The following KLHL33 variants were observed in gnomAD, a reference collection of about 807,000 sequenced individuals.
KLHL33 encodes kelch-like protein 33.
In KLHL33, 46 loss-of-function variants were observed where a neutral mutation model predicts 60.8. The ratio of observed to expected loss-of-function variants is 0.76; its 90% CI spans 0.60 to 0.97. The LOEUF (loss-of-function observed/expected upper bound fraction) is 0.97, where lower values mean the gene tolerates loss of function less well. KLHL33 is among the 50% of genes least tolerant of loss of function. KLHL33 has a pLI of 0.00. For synonymous variants in KLHL33, 434 were observed against 432.2 expected (o/e 1.00, Z -0.05); for missense variants, 1,055 against 1,000.0 (o/e 1.05, Z -0.74).
chr14:20,428,709 C>A lies in KLHL33; in HGVS notation c.*140G>T. On this transcript the variant is annotated 3_prime_UTR_variant, in exon 5 of 5. Coordinates refer to ENST00000636854, the MANE Select transcript of KLHL33 (RefSeq NM_001365790.2). ...CACCATTTCCTCAACGGAGATCATA[C>A]GTACAAAAGCAGTTTACAATGCACA... is the stretch of plus-strand genomic sequence containing the variant. 1.3e-6 allele frequency: 1 copy of A among 761,302 alleles called. No individual in the cohort carries two copies. Among genetic ancestry groups the A allele is most frequent in the Non-Finnish European group, 2.1e-6 (1 of 473,040 alleles). 47.2% of individuals were successfully genotyped at this position (761,302 alleles called of 1,614,324 possible).
chr14:20,430,931 AG>A (rs1880493925), intron 2 of KLHL33, among the ~76,000 whole-genome samples: 1 of 152,222 alleles, frequency 6.6e-6, no homozygotes, highest in Non-Finnish European at 1.5e-5. Context: ...ATTCTGATTC[AG>A]CAGTTCTGGA....
At chr14:20,433,681 T>C (rs1197323693) in intron 2 of KLHL33, among the ~76,000 whole-genome samples, 1 of 152,224 alleles carries the variant, frequency 6.6e-6, no homozygotes, top group Non-Finnish European at 1.5e-5. Flanking sequence ...GAATATTTCC[T>C]AGGGAAATAA....
At position 20,435,063 on chromosome 14, in the gene KLHL33, C is replaced by T. The variant is rs1594401097; in HGVS notation, c.748+1G>A. 6.5e-6 allele frequency: 8 copies of T among 1,234,488 alleles called. No homozygotes were observed. The East Asian group carries it at 1.9e-4, about 29-fold the overall frequency. The allele number at this position is 1,234,488 out of a possible 1,614,324, so 76.5% of individuals were successfully genotyped here. Reference sequence around the variant, plus strand: ...TAATTTAATGCCCCACAGGCCCTCACCCGACAGCTGGCAGCCGCCTGCCTC... The same window carrying T: ...TAATTTAATGCCCCACAGGCCCTCATCCGACAGCTGGCAGCCGCCTGCCTC... On this transcript the variant is annotated splice_donor_variant, in intron 2 of 4. Coordinates refer to ENST00000636854, the MANE Select transcript of KLHL33 (RefSeq NM_001365790.2). LOFTEE classifies it high-confidence loss of function.
chr14:20,430,310 G>A lies in KLHL33; in HGVS notation c.1158C>T (p.Leu386=). ...GCACATGGAGCTCATCACTATCCAGGAGCTCAGCCAAGCAGGCAGCTGGTA... is the reference window on the plus strand; with the variant it reads ...GCACATGGAGCTCATCACTATCCAGAAGCTCAGCCAAGCAGGCAGCTGGTA... ...PSLPAACLAE[L]LDSDELHVQE... The change falls in exon 3 of 5, where the codon CTC becomes CTT. Residue 386 remains leucine (L), a synonymous_variant. Transcript: ENST00000636854. The A allele has an allele frequency of 6.4e-7, 1 of 1,551,840 alleles. No homozygotes were observed. The highest frequency in any genetic ancestry group is 8.7e-7 in the Non-Finnish European group (1 of 1,147,034).
rs1880374692 is a variant in KLHL33, at chr14:20,428,729, T to C, written c.*120A>G. The C allele has an allele frequency of 8.9e-6, 8 of 899,288 alleles. No homozygotes were observed. Among genetic ancestry groups the C allele is most frequent in the African/African-American group, 1.7e-5 (1 of 59,368 alleles). The allele number at this position is 899,288 out of a possible 1,614,324, so 55.7% of individuals were successfully genotyped here. ...TCATACGTACAAAAGCAGTTTACAA[T>C]GCACAGTGTGAGAATAAAATACTAC... is the stretch of plus-strand genomic sequence containing the variant. On this transcript the variant is annotated 3_prime_UTR_variant, in exon 5 of 5. Coordinates refer to ENST00000636854, the MANE Select transcript of KLHL33 (RefSeq NM_001365790.2).
rs1390186144 is a variant in KLHL33 at position 20,430,005 on chromosome 14, G to A, written c.1463C>T (p.Ala488Val). 1 of 1,551,718 alleles carries A rather than the reference G, an allele frequency of 6.4e-7. No individual in the cohort carries two copies. Among genetic ancestry groups the A allele is most frequent in the Admixed American group, 2.0e-5 (1 of 51,006 alleles). The stretch of plus-strand genomic sequence containing the variant: ...CACTGCTCGGGATGGTTGTCTTAGG[G>A]CCATGTCTGGTCTGAGCCCATCCCC... ...IGGDGLRPDM[A>V]LRQPSRAVWW... Residue 488 changes from alanine (A) to valine (V), a missense_variant, in exon 3 of 5, where the codon GCC (alanine) becomes GTC (valine). By Grantham distance (64) the Ala-to-Val change is moderately conservative. Coordinates refer to ENST00000636854, the MANE Select transcript of KLHL33 (RefSeq NM_001365790.2).
chr14:20,429,945 A>C lies in KLHL33; in HGVS notation c.1523T>G (p.Leu508Arg), dbSNP rs1414622834. 1.3e-6 allele frequency: 2 copies of C among 1,551,586 alleles called. No individual in the cohort carries two copies. The highest frequency in any genetic ancestry group is 2.7e-5 in the African/African-American group (2 of 73,044). Residue 508 changes from leucine to arginine, a missense_variant, in exon 3 of 5, where the codon CTG becomes CGG. Physicochemically the swap from Leu to Arg is moderately radical, Grantham distance 102. Transcript: ENST00000636854. ...CTGCCCCCACTCAACAGTTCGTACC[A>C]GTCCCACGCCACAGCGGAAGGCCCG... ...WARAFRCGVG[L>R]VRTVEWGQLP...
intron 2 of KLHL33, 91 bp downstream of exon 2, chr14:20,434,973 A>G (rs1880637822): frequency 1.8e-6 from 2 of 1,108,284 alleles, no homozygotes; most frequent in African/African-American, 3.2e-5. Flanking sequence ...GATCAAAACC[A>G]TCATGGTGGG....
rs1202636032 is a variant in KLHL33 at position 20,429,202 on chromosome 14, C to G, written c.2041G>C (p.Gly681Arg). The change falls in exon 5 of 5, where the codon GGT (glycine) becomes CGT (arginine). Residue 681 changes from glycine to arginine, a missense_variant. Coordinates refer to ENST00000636854, the MANE Select transcript of KLHL33 (RefSeq NM_001365790.2). ...CCACCTGCCACATACAACCTCCCACCCAATGCAGCCATGACATGGCCAGCC... is the reference window on the plus strand; with the variant it reads ...CCACCTGCCACATACAACCTCCCACGCAATGCAGCCATGACATGGCCAGCC... The part of the protein sequence containing the change: ...PRAGHVMAAL[G>R]GRLYVAGGLG... 1 of 1,551,636 alleles carries G rather than the reference C, an allele frequency of 6.4e-7. No individual in the cohort carries two copies. Among genetic ancestry groups the G allele is most frequent in the Admixed American group, 2.0e-5 (1 of 50,992 alleles).
In KLHL33 at chr14:20,427,793, A is replaced by G. The variant is rs1445245533; in HGVS notation, c.*1056T>C. The G allele has an allele frequency of 6.6e-6, 1 of 152,384 alleles. No individual in the cohort carries two copies. The highest frequency in any genetic ancestry group is 1.5e-5 in the Non-Finnish European group (1 of 68,134). 9.4% of individuals were successfully genotyped at this position (152,384 alleles called of 1,614,324 possible). On this transcript the variant is annotated 3_prime_UTR_variant, in exon 5 of 5. Coordinates refer to ENST00000636854, the MANE Select transcript of KLHL33 (RefSeq NM_001365790.2). ...GTGTGAGGGAGAAAGAAGAGAAAGAAAAAAGAGAGGCAGTGGGGAGAGCAG... is the reference window on the plus strand; with the variant it reads ...GTGTGAGGGAGAAAGAAGAGAAAGAGAAAAGAGAGGCAGTGGGGAGAGCAG...
rs1328556364 is a variant in KLHL33, at chr14:20,429,667, C to T, written c.1676G>A (p.Trp559Ter). 4 of 1,551,236 alleles carry T rather than the reference C, an allele frequency of 2.6e-6. No homozygotes were observed. The highest frequency in any genetic ancestry group is 3.5e-6 in the Non-Finnish European group (4 of 1,146,790). The change falls in exon 4 of 5, where the codon TGG becomes TAG. Residue 559 changes from tryptophan to a stop codon, truncating the protein, a stop_gained and splice_region_variant. Transcript: ENST00000636854. LOFTEE classifies it high-confidence loss of function. ...CTCCCAGTCCTCTTGACTGGGCTCC[C>T]ACCTGGACACAGTAGGACAAGAGAT... ...HSNTLASTLRWEPSQEDWEEM... is the reference protein window; with the variant it reads ...HSNTLASTLR
rs1442501934 is a variant in KLHL33 at position 20,435,247 on chromosome 14, C to T, written c.565G>A (p.Gly189Arg). 83 of 1,234,270 alleles carry T rather than the reference C, an allele frequency of 6.7e-5. No individual in the cohort carries two copies. Among genetic ancestry groups the T allele is most frequent in the Non-Finnish European group, 8.0e-5 (79 of 988,194 alleles). 76.5% of individuals were successfully genotyped at this position (1,234,270 alleles called of 1,614,324 possible). Residue 189 changes from glycine to arginine, a missense_variant, in exon 2 of 5, where the codon GGA becomes AGA. Coordinates refer to ENST00000636854, the MANE Select transcript of KLHL33 (RefSeq NM_001365790.2). Reference sequence around the variant, plus strand: ...GCAGCAGCCTTCACCCGGGGCGCTCCCAGCGCCTCTGCTGCGGCCAGCACA... The same window carrying T: ...GCAGCAGCCTTCACCCGGGGCGCTCTCAGCGCCTCTGCTGCGGCCAGCACA... ...GDVLAAAEAL[G>R]APRVKAAAQQ... is the part of the protein sequence containing the mutation.
At position 20,429,832 on chromosome 14, in the gene KLHL33, A is replaced by C. The variant is rs1284171635; in HGVS notation, c.1636T>G (p.Phe546Val). 2.6e-6 allele frequency: 4 copies of C among 1,548,156 alleles called. No homozygotes were observed. Among genetic ancestry groups the C allele is most frequent in the African/African-American group, 1.4e-5 (1 of 72,950 alleles). The change falls in exon 3 of 5, where the codon TTC becomes GTC. Residue 546 changes from phenylalanine to valine, a missense_variant. Coordinates refer to ENST00000636854, the MANE Select transcript of KLHL33 (RefSeq NM_001365790.2). Reference protein sequence around the residue: ...SELYVCGGQDFYSHSNTLAST... With the variant: ...SELYVCGGQDVYSHSNTLAST... ...GCCAGGGTGTTGGAGTGACTGTAGA[A>C]ATCTTGTCCCCCACACACATAGAGT...
Position 20,429,328 on chromosome 14 carries a change from C to G in KLHL33, c.1915G>C (p.Gly639Arg), listed in dbSNP as rs1304881533. 10 of 1,551,580 alleles carry G rather than the reference C, an allele frequency of 6.4e-6. No individual in the cohort carries two copies. The Admixed American group carries it at 7.8e-5, about 12-fold the overall frequency. ...AILEGQLYVS[G>R]GCGGTGQYLA... is the part of the protein sequence containing the mutation. ...TATTGGCCAGTCCCACCACAGCCAC[C>G]GCTCACGTACAACTGGCCCTCCAAA... Residue 639 changes from glycine (G) to arginine (R), a missense_variant, in exon 5 of 5, where the codon GGT becomes CGT. By Grantham distance (125) the Gly-to-Arg change is moderately radical. Coordinates refer to ENST00000636854, the MANE Select transcript of KLHL33 (RefSeq NM_001365790.2).
intron 2 of KLHL33, among the ~76,000 whole-genome samples, chr14:20,433,307 A>G (rs1880581918): frequency 6.6e-6 from 1 of 152,200 alleles, no homozygotes; most frequent in South Asian, 2.1e-4. Flanking sequence ...ATGCTCCTAG[A>G]AGTCCTTTTA....
Position 20,430,643 on chromosome 14 carries a change from G to A in KLHL33, c.825C>T (p.Gly275=). ...MLLSGMRESQ[G]TEVSLRTIST... ...AGATCGTCCGCAGAGATACCTCTGTGCCCTGGGATTCCCTCATCCCGCTCA... is the reference window on the plus strand; with the variant it reads ...AGATCGTCCGCAGAGATACCTCTGTACCCTGGGATTCCCTCATCCCGCTCA... Residue 275 remains glycine (G), a synonymous_variant, in exon 3 of 5, where the codon GGC becomes GGT. Coordinates refer to ENST00000636854, the MANE Select transcript of KLHL33 (RefSeq NM_001365790.2). 6.5e-7 allele frequency: 1 copy of A among 1,535,572 alleles called. No individual in the cohort carries two copies. The highest frequency in any genetic ancestry group is 8.7e-7 in the Non-Finnish European group (1 of 1,146,880).
Position 20,435,086 on chromosome 14 carries a change from C to T in KLHL33, c.726G>A (p.Glu242=). 2.4e-6 allele frequency: 3 copies of T among 1,234,592 alleles called. No homozygotes were observed. The South Asian group carries it at 1.2e-4, about 51-fold the overall frequency. The allele number at this position is 1,234,592 out of a possible 1,614,324, so 76.5% of individuals were successfully genotyped here. A position where few individuals can be genotyped will look rare whatever the true frequency, so the allele number is the denominator to read the frequency against. ...CACCCGACAGCTGGCAGCCGCCTGC[C>T]TCCAGCTTCAAGTCACACCCGACGC... ...REGVGCDLKL[E]AGGCQLSVHR... The change falls in exon 2 of 5, where the codon GAG becomes GAA. Residue 242 remains glutamate (E), a synonymous_variant. Coordinates refer to ENST00000636854, the MANE Select transcript of KLHL33 (RefSeq NM_001365790.2).
At position 20,430,604 on chromosome 14, in the gene KLHL33, C is replaced by T. The variant is rs773429110; in HGVS notation, c.864G>A (p.Leu288=). The change falls in exon 3 of 5, where the codon CTG becomes CTA. Residue 288 remains leucine (L), a synonymous_variant. Transcript: ENST00000636854. ...AGTAAGCAAAAGAGACGAGGAGTCG[C>T]AGGTCCTGGGTGGAGATCGTCCGCA... The part of the protein sequence containing the change: ...VSLRTISTQD[L]RLLVSFAYSG... 1.3e-6 allele frequency: 2 copies of T among 1,536,978 alleles called. No individual in the cohort carries two copies. The highest frequency in any genetic ancestry group is 1.7e-6 in the Non-Finnish European group (2 of 1,146,970).
rs1360078420 is a variant in KLHL33, at chr14:20,428,030, A to C, written c.*819T>G. ...GTCTCATTTTCACTCCTGATTCCTC[A>C]GTTTGCCCAAAAGAAAGAAGGCACA... On this transcript the variant is annotated 3_prime_UTR_variant, in exon 5 of 5. Transcript: ENST00000636854. The C allele has an allele frequency of 6.6e-6, 1 of 152,244 alleles. No homozygotes were observed. The highest frequency in any genetic ancestry group is 1.5e-5 in the Non-Finnish European group (1 of 68,062). 9.4% of individuals were successfully genotyped at this position (152,244 alleles called of 1,614,324 possible). A position where few individuals can be genotyped will look rare whatever the true frequency, so the allele number is the denominator to read the frequency against.
Sources: gnomAD v4.1 joint callset for allele counts (sites outside exome capture counted in the v4.1 genomes callset) on GRCh38, gnomAD v4.1.1 for gene constraint, MANE v1.5 for transcripts, NCBI Gene and HGNC (gene_info 2026-07-23, HGNC 2026-07-21) for gene names.